ALG1L2: variants seen among roughly 807,000 people sequenced by gnomAD.
The protein encoded by ALG1L2 is ALG1 chitobiosyldiphosphodolichol beta-mannosyltransferase like 2, also known as putative glycosyltransferase ALG1L2.
In ALG1L2, 32 loss-of-function variants were observed where a neutral mutation model predicts 29.0. That is an observed-to-expected ratio of 1.10 (90% CI 0.83 to 1.48). The LOEUF (loss-of-function observed/expected upper bound fraction) is 1.48. ALG1L2 is among the 40% of genes most tolerant of loss of function. The probability of loss-of-function intolerance (pLI) is 0.00; values close to 1 mark genes in which losing one functional copy is unlikely to be tolerated. For missense variants in ALG1L2, 318 were observed against 274.1 expected (o/e 1.16, Z -1.13); for synonymous variants, 110 against 109.5 (o/e 1.00, Z -0.03).
chr3:130,089,249 G>A (rs1257772307), intron 1 of ALG1L2, among the ~76,000 whole-genome samples: 1 of 152,232 alleles, frequency 6.6e-6, no homozygotes, highest in Non-Finnish European at 1.5e-5. Context: ...TGTGAGGCAC[G>A]CTTGACCTGG....
chr3:130,090,017 G>C (rs1197878017), intron 1 of ALG1L2, among the ~76,000 whole-genome samples: 1 of 152,290 alleles, frequency 6.6e-6, no homozygotes, highest in African/African-American at 2.4e-5. Flanking sequence ...ACTCCAGCCT[G>C]GGGGACAAAA....
At chr3:130,097,321 C>T (rs1935164197) in intron 7 of ALG1L2, 71 bp downstream of exon 7, 3 of 1,578,304 alleles carry the variant, frequency 1.9e-6, no homozygotes, top group Non-Finnish European at 2.6e-6. Flanking sequence ...GCTCCCTGAT[C>T]CCTGTTTCAC....
intron 5 of ALG1L2, among the ~76,000 whole-genome samples, chr3:130,094,860 G>T (rs1293304172): frequency 6.6e-6 from 1 of 152,224 alleles, no homozygotes; most frequent in Non-Finnish European, 1.5e-5. Flanking sequence ...CAGGGACGAT[G>T]AGTCAGACAG....
intron 1 of ALG1L2, among the ~76,000 whole-genome samples, chr3:130,085,585 C>G (rs1187920025): frequency 6.6e-6 from 1 of 151,160 alleles, no homozygotes; most frequent in African/African-American, 2.4e-5. Context: ...AAAGCCCACT[C>G]TATCAACCTG....
intron 4 of ALG1L2, among the ~76,000 whole-genome samples, chr3:130,093,558 C>G (rs1247884723): frequency 2.6e-5 from 4 of 151,768 alleles, no homozygotes; most frequent in Non-Finnish European, 5.9e-5. Context: ...TCCAGAGTAG[C>G]TGGGACTAAA....
chr3:130,086,873 C>A (rs1272413843), intron 1 of ALG1L2, among the ~76,000 whole-genome samples: 2 of 151,600 alleles, frequency 1.3e-5, no homozygotes, highest in African/African-American at 4.8e-5. Context: ...TGGCTAACCC[C>A]AAACCCCTTC....
chr3:130,095,804 T>C (rs529404163), intron 5 of ALG1L2, among the ~76,000 whole-genome samples: 1 of 152,250 alleles, frequency 6.6e-6, no homozygotes, highest in Admixed American at 6.5e-5. Context: ...AGTGAGACTC[T>C]GTCTCAAAAC....
chr3:130,091,228 T>G (rs1411727043), intron 1 of ALG1L2, 33 bp from the exon 2 acceptor site: 1 of 1,587,816 alleles, frequency 6.3e-7, no homozygotes, highest in South Asian at 1.1e-5. Flanking sequence ...CATGCTGGAC[T>G]AATGCAATAG....
At chr3:130,087,520 G>C (rs1267712382) in intron 1 of ALG1L2, among the ~76,000 whole-genome samples, 2 of 149,432 alleles carry the variant, frequency 1.3e-5, no homozygotes, top group African/African-American at 4.8e-5. Flanking sequence ...CCGTATTGTA[G>C]CAGGGTTAGT....
intron 6 of ALG1L2, 79 bp from the exon 7 acceptor site, chr3:130,097,096 G>T (rs1344619781): frequency 3.8e-6 from 6 of 1,579,876 alleles, no homozygotes; most frequent in Non-Finnish European, 5.2e-6. Context: ...GCGTGGGGTG[G>T]GTGGGAGCCC....
At chr3:130,086,042 C>T (rs9838651) in intron 1 of ALG1L2, among the ~76,000 whole-genome samples, 26,193 of 149,972 alleles carry the variant, frequency 0.17, 188 homozygotes, top group Non-Finnish European at 0.21. Flanking sequence ...CTTTTGTTCA[C>T]GGGCCACCAG....
rs926751522 is a variant in ALG1L2, at chr3:130,087,722, C to T, written c.21-3539C>T. ...ATGTCTTTGTACTATTTTTGCAACA[C>T]TTCCATGTCTGGAAAAATAATAATA... is the stretch of plus-strand genomic sequence containing the variant. On this transcript the variant is annotated intron_variant, in intron 1 of 7. Transcript: ENST00000425059. Among the ~76,000 whole-genome samples the T allele has an allele frequency of 3.7e-4, 48 of 129,456 alleles. 4 individuals carry two copies. The highest frequency in any genetic ancestry group is 1.2e-3 in the African/African-American group (46 of 38,492). The allele number at this position is 129,456 out of a possible 152,430, so 84.9% of individuals were successfully genotyped here. A position where few individuals can be genotyped will look rare whatever the true frequency, so the allele number is the denominator to read the frequency against.
chr3:130,092,278 G>A (rs1577328396), intron 3 of ALG1L2, 56 bp downstream of exon 3: 4 of 1,588,464 alleles, frequency 2.5e-6, no homozygotes, highest in East Asian at 2.3e-5. Flanking sequence ...TGGCCAACCT[G>A]TATTCTCCTC....
chr3:130,093,562 G>A (rs1935065662), intron 4 of ALG1L2, among the ~76,000 whole-genome samples: 1 of 151,842 alleles, frequency 6.6e-6, no homozygotes. Context: ...GAGTAGCTGG[G>A]ACTAAAAGTG....
chr3:130,091,642 A>G (rs1418616470), intron 2 of ALG1L2: 3 of 568,132 alleles, frequency 5.3e-6, no homozygotes, highest in South Asian at 3.9e-5. Flanking sequence ...TTACTCTCTG[A>G]CCCTTTAAGG....
intron 1 of ALG1L2, chr3:130,090,944 A>G (rs1935001227): frequency 2.9e-6 from 1 of 341,134 alleles, no homozygotes; most frequent in African/African-American, 2.1e-5. Context: ...TCCACACAAT[A>G]ACAGACCCAG....
rs1345620825 is a variant in ALG1L2 at position 130,082,476 on chromosome 3, T to C, written c.20+440T>C. On this transcript the variant is annotated intron_variant, in intron 1 of 7. Coordinates refer to ENST00000425059, the MANE Select transcript of ALG1L2 (RefSeq NM_001136152.1). ...CCTCAGCCTCCCAAGTAGCTGGGAC[T>C]ACAGCCACCTGCCACCACGCCTGGC... Among the ~76,000 whole-genome samples, 2 of 133,210 alleles carry C rather than the reference T, an allele frequency of 1.5e-5. 1 individual carries two copies. The highest frequency in any genetic ancestry group is 3.5e-5 in the Non-Finnish European group (2 of 57,260). 87.4% of individuals were successfully genotyped at this position (133,210 alleles called of 152,430 possible).
At chr3:130,092,584 C>T (rs560574827) in intron 3 of ALG1L2, among the ~76,000 whole-genome samples, 1 of 152,216 alleles carries the variant, frequency 6.6e-6, no homozygotes, top group East Asian at 1.9e-4. Flanking sequence ...TGGAGGTGGG[C>T]CGCCCTGAAT....
intron 1 of ALG1L2, among the ~76,000 whole-genome samples, chr3:130,086,648 G>A (rs1198457035): frequency 7.0e-4 from 101 of 144,704 alleles, no homozygotes; most frequent in Non-Finnish European, 1.2e-3. Context: ...CTGCACTCCT[G>A]CCTGGTCCAC....
Sources: gnomAD v4.1 joint callset for allele counts (sites outside exome capture counted in the v4.1 genomes callset) on GRCh38, gnomAD v4.1.1 for gene constraint, MANE v1.5 for transcripts, NCBI Gene and HGNC (gene_info 2026-07-23, HGNC 2026-07-21) for gene names.